The following PIP5K1B variants were observed in gnomAD, a reference collection of about 807,000 sequenced individuals.
PIP5K1B encodes phosphatidylinositol 4-phosphate 5-kinase type-1 beta.
PIP5K1B carries 42 observed loss-of-function variants against 67.0 expected under a neutral mutation model. The ratio of observed to expected loss-of-function variants is 0.63; its 90% CI spans 0.49 to 0.81. The LOEUF (loss-of-function observed/expected upper bound fraction) is 0.81. PIP5K1B is among the 30% of genes least tolerant of loss of function. The probability of loss-of-function intolerance (pLI) is 0.00; values close to 1 mark genes in which losing one functional copy is unlikely to be tolerated. For missense variants in PIP5K1B, 459 were observed against 646.3 expected (o/e 0.71, Z 3.14); for synonymous variants, 214 against 231.4 (o/e 0.92, Z 0.68).
chr9:69,007,502 A>C lies in PIP5K1B; in HGVS notation c.1621-945A>C, dbSNP rs1360393406. On this transcript the variant is annotated intron_variant, in intron 15 of 15. Transcript: ENST00000265382. ...CTATAAAGTAGAGTTTGTTACCTCCACTTTATAGATGAAACAACAAGGTTC... is the reference window on the plus strand; with the variant it reads ...CTATAAAGTAGAGTTTGTTACCTCCCCTTTATAGATGAAACAACAAGGTTC... Among the ~76,000 whole-genome samples, 3 of 152,214 alleles carry C rather than the reference A, an allele frequency of 2.0e-5. No individual in the cohort carries two copies. The East Asian group carries it at 5.8e-4, about 29-fold the overall frequency.
At chr9:68,823,380 A>C (rs1474205879) in intron 4 of PIP5K1B, among the ~76,000 whole-genome samples, 2 of 152,192 alleles carry the variant, frequency 1.3e-5, no homozygotes, top group African/African-American at 2.4e-5. Flanking sequence ...TGTGTATAAT[A>C]TATGAATCCT....
At chr9:68,771,007 T>C (rs1830649851) in intron 2 of PIP5K1B, among the ~76,000 whole-genome samples, 1 of 152,182 alleles carries the variant, frequency 6.6e-6, no homozygotes, top group African/African-American at 2.4e-5. Context: ...ATGGGAGTGG[T>C]TACTCTTTCA....
chr9:68,927,489 A>T (rs1181099624), intron 12 of PIP5K1B, among the ~76,000 whole-genome samples: 1 of 152,158 alleles, frequency 6.6e-6, no homozygotes, highest in East Asian at 1.9e-4. Context: ...GTAGTATCTC[A>T]CTGTAGTTTT....
At chr9:68,719,731 CT>C (rs1827796494) in intron 1 of PIP5K1B, among the ~76,000 whole-genome samples, 1 of 152,156 alleles carries the variant, frequency 6.6e-6, no homozygotes, top group African/African-American at 2.4e-5. Context: ...GGAAATTCAG[CT>C]TTTAAGATGT....
At chr9:68,974,723 A>C (rs1345516829) in intron 14 of PIP5K1B, among the ~76,000 whole-genome samples, 3 of 152,218 alleles carry the variant, frequency 2.0e-5, no homozygotes, top group Non-Finnish European at 2.9e-5. Flanking sequence ...CAAGGACAGA[A>C]AGTCAATTCT....
At chr9:68,996,627 G>A (rs981127861) in intron 15 of PIP5K1B, among the ~76,000 whole-genome samples, 7 of 152,156 alleles carry the variant, frequency 4.6e-5, no homozygotes, top group African/African-American at 1.7e-4. Flanking sequence ...CTAAGGCACC[G>A]GATGCTGTCA....
At chr9:68,864,398 G>A (rs1823259055) in intron 5 of PIP5K1B, among the ~76,000 whole-genome samples, 1 of 152,224 alleles carries the variant, frequency 6.6e-6, no homozygotes, top group African/African-American at 2.4e-5. Context: ...TCAAATCTGA[G>A]TTTAGTCTTA....
intron 2 of PIP5K1B, among the ~76,000 whole-genome samples, chr9:68,767,358 C>A (rs2132409989): frequency 6.6e-6 from 1 of 152,266 alleles, no homozygotes; most frequent in East Asian, 1.9e-4. Flanking sequence ...CTTTGGGAGG[C>A]CGAGGCGGGT....
At chr9:68,881,082 G>A (rs1824178386) in intron 6 of PIP5K1B, among the ~76,000 whole-genome samples, 1 of 152,198 alleles carries the variant, frequency 6.6e-6, no homozygotes, top group South Asian at 2.1e-4. Context: ...AAAGGGAGAT[G>A]CCCAAGGTTA....
intron 14 of PIP5K1B, among the ~76,000 whole-genome samples, chr9:68,966,154 TTAATA>T (rs1829019112): frequency 6.6e-6 from 1 of 151,928 alleles, no homozygotes; most frequent in Non-Finnish European, 1.5e-5. Flanking sequence ...CATACTAATA[TTAATA>T]TATGATTGAA....
chr9:69,002,985 A>G (rs1830891118), intron 15 of PIP5K1B, among the ~76,000 whole-genome samples: 1 of 152,170 alleles, frequency 6.6e-6, no homozygotes, highest in South Asian at 2.1e-4. Context: ...TCTGTCTCAA[A>G]AAATAATAAT....
chr9:68,913,005 G>T lies in PIP5K1B; in HGVS notation c.772-4543G>T, dbSNP rs143060840. ...CTCATTTCAAGAACAGGTAGTTTTT[G>T]ATTGTGTCTTCAGGGTACTCTAGCA... On this transcript the variant is annotated intron_variant, in intron 8 of 15. Transcript: ENST00000265382. Among the ~76,000 whole-genome samples the T allele has an allele frequency of 2.3e-3, 349 of 152,314 alleles. 2 individuals are homozygous for T. The highest frequency in any genetic ancestry group is 8.1e-3 in the African/African-American group (336 of 41,568).
intron 1 of PIP5K1B, among the ~76,000 whole-genome samples, chr9:68,727,908 T>A (rs1044826811): frequency 3.9e-5 from 6 of 152,188 alleles, no homozygotes; most frequent in African/African-American, 1.4e-4. Flanking sequence ...AAAGAGATAC[T>A]TAACTTTAGT....
chr9:68,821,823 A>G lies in PIP5K1B; in HGVS notation c.1-792A>G, dbSNP rs117681974. ...TTTGAGCTGCCTCAACTATCCTTCA[A>G]TATTAGCATTGACTAAAGTATTAAC... On this transcript the variant is annotated intron_variant, in intron 3 of 15. Transcript: ENST00000265382. Among the ~76,000 whole-genome samples, 1,323 of 152,366 alleles carry G rather than the reference A, an allele frequency of 8.7e-3. 16 individuals carry two copies. The highest frequency in any genetic ancestry group is 0.016 in the Non-Finnish European group (1,056 of 68,040).
intron 2 of PIP5K1B, among the ~76,000 whole-genome samples, chr9:68,787,190 G>A (rs1412638986): frequency 6.6e-6 from 1 of 152,212 alleles, no homozygotes; most frequent in Admixed American, 6.5e-5. Context: ...ATTGAGTTGG[G>A]TTAGGGAAGG....
intron 14 of PIP5K1B, among the ~76,000 whole-genome samples, chr9:68,976,951 C>T (rs536315498): frequency 6.6e-6 from 1 of 152,148 alleles, no homozygotes; most frequent in Non-Finnish European, 1.5e-5. Flanking sequence ...ATTCCTGTTG[C>T]CTTCATGGTG....
chr9:68,926,049 C>T (rs1467450573), intron 12 of PIP5K1B, among the ~76,000 whole-genome samples: 2 of 151,884 alleles, frequency 1.3e-5, no homozygotes, highest in African/African-American at 4.8e-5. Flanking sequence ...CCCACCTCAG[C>T]CTCCCAAAGT....
intron 1 of PIP5K1B, among the ~76,000 whole-genome samples, chr9:68,729,909 C>G (rs4745229): frequency 0.56 from 84,084 of 151,240 alleles, 23,585 homozygotes; most frequent in East Asian, 0.69. Context: ...TTTCCCTTTT[C>G]AAGGGAAAAT....
chr9:68,901,234 T>C (rs1405761901), intron 8 of PIP5K1B, among the ~76,000 whole-genome samples: 1 of 152,150 alleles, frequency 6.6e-6, no homozygotes, highest in Non-Finnish European at 1.5e-5. Flanking sequence ...CATCATTGAC[T>C]CCACACTCCT....
Sources: allele counts gnomAD v4.1 joint callset (sites outside exome capture counted in the v4.1 genomes callset), GRCh38; gene constraint gnomAD v4.1.1; transcripts MANE v1.5; gene names NCBI Gene and HGNC (gene_info 2026-07-23, HGNC 2026-07-21).